LYN: variants seen among roughly 807,000 people sequenced by gnomAD.
LYN encodes tyrosine-protein kinase Lyn.
In LYN, 12 loss-of-function variants were observed where a neutral mutation model predicts 65.0. That is an observed-to-expected ratio of 0.18 (90% CI 0.12 to 0.30). LYN has a LOEUF of 0.30. Among genes scored for constraint, LYN ranks in the 10% least tolerant of loss-of-function variants. LYN has a pLI of 1.00. For missense variants in LYN, 380 were observed against 623.2 expected (o/e 0.61, Z 4.16); for synonymous variants, 222 against 221.2 (o/e 1.00, Z -0.03).
chr8:55,883,515 G>T (rs1445630397), intron 1 of LYN, among the ~76,000 whole-genome samples: 1 of 152,192 alleles, frequency 6.6e-6, no homozygotes, highest in Admixed American at 6.5e-5. Context: ...TATACTGGCT[G>T]CTGTCCGAGC....
intron 1 of LYN, among the ~76,000 whole-genome samples, chr8:55,932,086 T>C (rs1794792573): frequency 6.6e-6 from 1 of 152,158 alleles, no homozygotes; most frequent in African/African-American, 2.4e-5. Flanking sequence ...CCATTTGAGT[T>C]GAAAGGATAG....
At chr8:55,918,333 G>A (rs573615774) in intron 1 of LYN, among the ~76,000 whole-genome samples, 142 of 152,186 alleles carry the variant, frequency 9.3e-4, no homozygotes, top group Non-Finnish European at 1.6e-3. Context: ...AGAAGCCTAT[G>A]TGTTTGTTCC....
chr8:55,936,638 T>G (rs1806445571), intron 1 of LYN, among the ~76,000 whole-genome samples: 1 of 151,702 alleles, frequency 6.6e-6, no homozygotes, highest in South Asian at 2.1e-4. Context: ...AGACTCCATC[T>G]CAAAAAACAA....
intron 10 of LYN, among the ~76,000 whole-genome samples, chr8:55,981,817 A>G (rs1453293293): frequency 6.6e-6 from 1 of 152,270 alleles, no homozygotes; most frequent in Non-Finnish European, 1.5e-5. Context: ...GAAGTAGAAT[A>G]CAAGTATCTG....
In LYN at chr8:55,911,089, A is replaced by ATATATATATG. The variant is rs2079494453; in HGVS notation, c.-5-30757_-5-30756insGTATATATAT. Among the ~76,000 whole-genome samples the ATATATATATG allele has an allele frequency of 8.4e-4, 13 of 15,536 alleles. 3 individuals are homozygous for ATATATATATG. The highest frequency in any genetic ancestry group is 8.7e-4 in the Non-Finnish European group (8 of 9,166). The allele number at this position is 15,536 out of a possible 152,430, so 10.2% of individuals were successfully genotyped here. A position where few individuals can be genotyped will look rare whatever the true frequency, so the allele number is the denominator to read the frequency against. ...TTTATATATATATACATACATATATATATATATATACATACACGTATATAT... is the reference window on the plus strand; with the variant it reads ...TTTATATATATATACATACATATATATATATATATGTATATATATACATACACGTATATAT... On this transcript the variant is annotated intron_variant, in intron 1 of 12. Coordinates refer to ENST00000519728, the MANE Select transcript of LYN (RefSeq NM_002350.4).
rs751056729 is a variant in LYN, at chr8:55,926,603, T to C, written c.-5-15252T>C. 6.9e-4 allele frequency among the ~76,000 whole-genome samples: 105 copies of C among 152,244 alleles called. 2 individuals carry two copies. The highest frequency in any genetic ancestry group is 2.4e-4 in the Non-Finnish European group (16 of 68,046). ...GCCAAGAAGATCTAATGAAATTCTA[T>C]TGTATTTTAAACCATAATTATTAAG... On this transcript the variant is annotated intron_variant, in intron 1 of 12. Transcript: ENST00000519728.
intron 1 of LYN, among the ~76,000 whole-genome samples, chr8:55,914,723 A>C (rs1001425751): frequency 2.0e-5 from 3 of 152,192 alleles, no homozygotes; most frequent in Non-Finnish European, 2.9e-5. Context: ...ACATGAGAAA[A>C]CAGTTTCACT....
intron 1 of LYN, among the ~76,000 whole-genome samples, chr8:55,910,652 T>C (rs1412317504): frequency 1.3e-5 from 2 of 152,162 alleles, no homozygotes; most frequent in Non-Finnish European, 2.9e-5. Flanking sequence ...TCCATATGAA[T>C]TTTGGGGTTG....
chr8:55,895,822 T>G (rs2130371388), intron 1 of LYN: 1 of 152,298 alleles, frequency 6.6e-6, no homozygotes. Flanking sequence ...AAGAGTCTAA[T>G]TTTCTACCCA....
intron 8 of LYN, among the ~76,000 whole-genome samples, chr8:55,956,592 AG>A (rs1201029487): frequency 6.6e-6 from 1 of 152,348 alleles, no homozygotes; most frequent in East Asian, 1.9e-4. Context: ...TTATGTAAAT[AG>A]AACTTTCTCC....
intron 1 of LYN, among the ~76,000 whole-genome samples, chr8:55,892,830 C>T (rs1329616711): frequency 2.6e-5 from 4 of 152,092 alleles, no homozygotes; most frequent in Non-Finnish European, 1.5e-5. Context: ...TTAAGTATAA[C>T]ACTTACATAG....
intron 1 of LYN, among the ~76,000 whole-genome samples, chr8:55,922,509 T>A (rs967484111): frequency 6.6e-6 from 1 of 151,914 alleles, no homozygotes; most frequent in African/African-American, 2.4e-5. Context: ...GTGTGGTGAC[T>A]CATGCCTATA....
intron 12 of LYN, among the ~76,000 whole-genome samples, chr8:56,006,047 G>A (rs1428255606): frequency 1.3e-5 from 2 of 152,052 alleles, no homozygotes; most frequent in African/African-American, 4.8e-5. Context: ...ATTGCGCCAT[G>A]TACTCCAGCC....
intron 10 of LYN, among the ~76,000 whole-genome samples, chr8:55,979,152 T>A (rs936050173): frequency 6.6e-6 from 1 of 150,512 alleles, no homozygotes; most frequent in Non-Finnish European, 1.5e-5. Context: ...CTCAAGCAAT[T>A]CTGCCTCAGC....
At chr8:55,995,676 G>T (rs1337217648) in intron 10 of LYN, among the ~76,000 whole-genome samples, 2 of 152,116 alleles carry the variant, frequency 1.3e-5, no homozygotes, top group African/African-American at 4.8e-5. Context: ...AACTGCATAG[G>T]TCGGGTGAAA....
intron 1 of LYN, among the ~76,000 whole-genome samples, chr8:55,906,562 G>T (rs189910242): frequency 2.0e-5 from 3 of 151,590 alleles, no homozygotes; most frequent in Non-Finnish European, 4.4e-5. Flanking sequence ...TCACCATGTT[G>T]CCCAGGCTAG....
intron 1 of LYN, among the ~76,000 whole-genome samples, chr8:55,884,867 C>T (rs945755681): frequency 4.6e-5 from 7 of 152,240 alleles, no homozygotes; most frequent in African/African-American, 7.2e-5. Context: ...CCCCTTCATC[C>T]TGTTCTGTAC....
intron 10 of LYN, among the ~76,000 whole-genome samples, chr8:55,976,220 C>T (rs1011458445): frequency 2.0e-5 from 3 of 150,558 alleles, no homozygotes; most frequent in African/African-American, 7.3e-5. Context: ...CCAGCTACTC[C>T]GAAGGCTGAG....
chr8:55,890,092 TAAAG>T (rs1804909379), intron 1 of LYN, among the ~76,000 whole-genome samples: 1 of 69,090 alleles, frequency 1.4e-5, no homozygotes, highest in South Asian at 4.2e-4. Flanking sequence ...GCCTGGGCAA[TAAAG>T]TGAGAACCTG....
Sources: allele counts gnomAD v4.1 joint callset (sites outside exome capture counted in the v4.1 genomes callset), GRCh38; gene constraint gnomAD v4.1.1; transcripts MANE v1.5; gene names NCBI Gene and HGNC (gene_info 2026-07-23, HGNC 2026-07-21).